The following LRRTM4 variants were observed in gnomAD, a reference collection of about 807,000 sequenced individuals.
The protein encoded by LRRTM4 is leucine rich repeat transmembrane neuronal 4.
A neutral mutation model predicts 47.6 loss-of-function variants in LRRTM4; 25 were observed. The ratio of observed to expected loss-of-function variants is 0.53; its 90% confidence interval spans 0.38 to 0.73. LRRTM4 has a LOEUF of 0.73. LRRTM4 is among the 30% of genes least tolerant of loss of function. The pLI, the probability that LRRTM4 is intolerant of heterozygous loss-of-function variation, is 0.00. For synonymous variants in LRRTM4, 311 were observed against 269.5 expected (o/e 1.15, Z -1.51); for missense variants, 638 against 713.4 (o/e 0.89, Z 1.20).
chr2:77,227,719 T>C (rs1009037096), intron 3 of LRRTM4, among the ~76,000 whole-genome samples: 2 of 152,080 alleles, frequency 1.3e-5, no homozygotes, highest in African/African-American at 4.8e-5. Flanking sequence ...AAATACAGAT[T>C]ATATAGTGTG....
intron 3 of LRRTM4, among the ~76,000 whole-genome samples, chr2:77,100,846 C>CTTTTTTT (rs752749316): frequency 6.5e-5 from 8 of 122,966 alleles, no homozygotes; most frequent in African/African-American, 1.5e-4. Context: ...AGCTCTGATT[C>CTTTTTTT]TTTTTTTTTT....
At chr2:77,285,340 T>TTATATATACATATATATATATA (rs1553422164) in intron 3 of LRRTM4, among the ~76,000 whole-genome samples, 1 of 82,590 alleles carries the variant, frequency 1.2e-5, no homozygotes, top group Non-Finnish European at 2.4e-5. Context: ...AGCATTAAAT[T>TTATATATACATATATATATATA]TATATATATA....
At chr2:77,356,737 CAA>C (rs1671981882) in intron 3 of LRRTM4, among the ~76,000 whole-genome samples, 2 of 151,962 alleles carry the variant, frequency 1.3e-5, no homozygotes, top group South Asian at 4.1e-4. Flanking sequence ...GAGATAAAAC[CAA>C]AAACCTGAAA....
chr2:77,093,258 G>C (rs1170885955), intron 3 of LRRTM4, among the ~76,000 whole-genome samples: 2 of 148,676 alleles, frequency 1.3e-5, no homozygotes, highest in Admixed American at 1.3e-4. Flanking sequence ...CTTAACTCTT[G>C]AAGTAAATAA....
intron 3 of LRRTM4, among the ~76,000 whole-genome samples, chr2:77,023,939 G>A (rs547935016): frequency 2.3e-4 from 35 of 152,066 alleles, no homozygotes; most frequent in African/African-American, 8.2e-4. Flanking sequence ...TGATAAAGAC[G>A]TACCCAAGAC....
In LRRTM4 at chr2:77,075,126, T is replaced by C. The variant is rs1465945109; in HGVS notation, c.1552-326210A>G. ...TAATGCTTTCCTACATAGTAGATAA[T>C]ATGTGAGCTGTTTCTGCTAATACCT... On this transcript the variant is annotated intron_variant, in intron 3 of 3. Transcript: ENST00000409884. 6.6e-5 allele frequency among the ~76,000 whole-genome samples: 10 copies of C among 152,234 alleles called. 1 individual carries two copies. Among genetic ancestry groups the C allele is most frequent in the Admixed American group, 3.3e-4 (5 of 15,284 alleles).
chr2:77,183,195 G>T (rs1203732011), intron 3 of LRRTM4, among the ~76,000 whole-genome samples: 2 of 151,882 alleles, frequency 1.3e-5, no homozygotes, highest in African/African-American at 4.8e-5. Flanking sequence ...TCTGACAAAG[G>T]GCTAATATCC....
At chr2:76,830,519 T>C (rs1279618701) in intron 3 of LRRTM4, among the ~76,000 whole-genome samples, 1 of 133,144 alleles carries the variant, frequency 7.5e-6, no homozygotes, top group Non-Finnish European at 1.5e-5. Flanking sequence ...TGTGTGCGTG[T>C]GTGTGTGTGT....
At chr2:77,410,854 G>C (rs1178471331) in intron 3 of LRRTM4, among the ~76,000 whole-genome samples, 1 of 152,088 alleles carries the variant, frequency 6.6e-6, no homozygotes, top group African/African-American at 2.4e-5. Context: ...AGGTGATTCT[G>C]TTACATACAC....
chr2:76,849,859 A>C (rs574995790), intron 3 of LRRTM4, among the ~76,000 whole-genome samples: 1 of 152,270 alleles, frequency 6.6e-6, no homozygotes, highest in African/African-American at 2.4e-5. Flanking sequence ...CTAATGATAC[A>C]TTCCTTTCAT....
chr2:77,323,071 A>G (rs1670598060), intron 3 of LRRTM4, among the ~76,000 whole-genome samples: 1 of 152,048 alleles, frequency 6.6e-6, no homozygotes, highest in East Asian at 1.9e-4. Context: ...TAGACAAAAG[A>G]TGTTGGCTCC....
At chr2:76,866,219 G>A (rs530322975) in intron 3 of LRRTM4, among the ~76,000 whole-genome samples, 13 of 152,254 alleles carry the variant, frequency 8.5e-5, no homozygotes, top group Admixed American at 2.0e-4. Flanking sequence ...TGAGAGTCAC[G>A]AAACATTTCA....
intron 3 of LRRTM4, among the ~76,000 whole-genome samples, chr2:76,937,434 C>G (rs1392290110): frequency 6.6e-6 from 1 of 152,192 alleles, no homozygotes; most frequent in Non-Finnish European, 1.5e-5. Context: ...GGTCATCCTT[C>G]ACTTCTAATC....
chr2:76,898,737 C>A (rs116441882), intron 3 of LRRTM4, among the ~76,000 whole-genome samples: 1,571 of 150,720 alleles, frequency 0.01, 30 homozygotes, highest in African/African-American at 0.036. Flanking sequence ...CTAAAAAGCT[C>A]TAGGATGTGT....
intron 3 of LRRTM4, among the ~76,000 whole-genome samples, chr2:76,894,947 T>A (rs1673365738): frequency 6.6e-6 from 1 of 151,614 alleles, no homozygotes; most frequent in African/African-American, 2.4e-5. Flanking sequence ...TTATATTTTA[T>A]CTTATCAATA....
chr2:77,522,251 AGCTGGTCAG>A lies in LRRTM4; in HGVS notation c.-299_-291del, dbSNP rs1679544640. 3.2e-6 allele frequency: 2 copies of A among 629,358 alleles called. No homozygotes were observed. The highest frequency in any genetic ancestry group is 5.8e-6 in the Non-Finnish European group (2 of 346,404). The allele number at this position is 629,358 out of a possible 1,614,324, so 39.0% of individuals were successfully genotyped here. ...CTATGCAGGCTAGGTTTATCCATTT[AGCTGGTCAG>A]GTTTAAAGTGTTTTGTAGCTGTGCT... On this transcript the variant is annotated 5_prime_UTR_variant, in exon 1 of 4. Coordinates refer to ENST00000409884, the MANE Select transcript of LRRTM4 (RefSeq NM_001134745.3).
At chr2:77,420,227 G>A (rs1169683366) in intron 3 of LRRTM4, among the ~76,000 whole-genome samples, 1 of 152,194 alleles carries the variant, frequency 6.6e-6, no homozygotes, top group Non-Finnish European at 1.5e-5. Context: ...CCATAGGGCA[G>A]TTTATAACAG....
At chr2:77,057,641 A>T (rs1218073457) in intron 3 of LRRTM4, among the ~76,000 whole-genome samples, 1 of 152,116 alleles carries the variant, frequency 6.6e-6, no homozygotes, top group Admixed American at 6.5e-5. Context: ...CATTAGAACC[A>T]CCTCAGGTGG....
chr2:77,012,407 G>A (rs1031414152), intron 3 of LRRTM4, among the ~76,000 whole-genome samples: 7 of 152,012 alleles, frequency 4.6e-5, no homozygotes, highest in South Asian at 2.1e-4. Context: ...CCTAACAAGC[G>A]TGTATTTGTA....
Sources: allele counts gnomAD v4.1 joint callset (sites outside exome capture counted in the v4.1 genomes callset), GRCh38; gene constraint gnomAD v4.1.1; transcripts MANE v1.5; gene names NCBI Gene and HGNC (gene_info 2026-07-23, HGNC 2026-07-21).